STPG2: variants seen among roughly 807,000 people sequenced by gnomAD.
STPG2 encodes sperm tail PG-rich repeat containing 2.
Under a neutral mutation model 54.2 loss-of-function variants are expected in STPG2, and 56 were observed. The observed-to-expected ratio is 1.03, with a 90% CI of 0.83 to 1.29. The LOEUF (loss-of-function observed/expected upper bound fraction) is 1.29, where lower values mean the gene tolerates loss of function less well. STPG2 is among the 50% of genes most tolerant of loss of function. STPG2 has a pLI of 0.00. For missense variants in STPG2, 596 were observed against 544.9 expected (o/e 1.09, Z -0.93); for synonymous variants, 200 against 181.8 (o/e 1.10, Z -0.81).
At chr4:97,830,536 A>G (rs892493220) in intron 9 of STPG2, among the ~76,000 whole-genome samples, 2 of 152,152 alleles carry the variant, frequency 1.3e-5, no homozygotes, top group Admixed American at 1.3e-4. Flanking sequence ...ATTAACCTTA[A>G]ATTTAAACAG....
intron 9 of STPG2, among the ~76,000 whole-genome samples, chr4:97,782,692 C>A (rs916575859): frequency 8.5e-5 from 13 of 152,206 alleles, no homozygotes; most frequent in African/African-American, 2.9e-4. Context: ...CTACAAGCCT[C>A]CAGTAACCAA....
At chr4:97,826,539 A>G (rs1240452062) in intron 9 of STPG2, among the ~76,000 whole-genome samples, 2 of 152,200 alleles carry the variant, frequency 1.3e-5, no homozygotes, top group Non-Finnish European at 2.9e-5. Context: ...AAATTGTAAA[A>G]GGTTATAAAA....
intron 9 of STPG2, among the ~76,000 whole-genome samples, chr4:97,830,297 T>C (rs1284609535): frequency 1.3e-5 from 2 of 152,066 alleles, no homozygotes. Context: ...AAAAGAGAAA[T>C]AAAATCCATT....
At chr4:97,858,427 G>C (rs1311810041) in intron 8 of STPG2, among the ~76,000 whole-genome samples, 1 of 152,094 alleles carries the variant, frequency 6.6e-6, no homozygotes, top group East Asian at 1.9e-4. Flanking sequence ...TATTTCAATA[G>C]TTTTGGAGAA....
chr4:97,845,857 TG>T (rs1360259274), intron 8 of STPG2, among the ~76,000 whole-genome samples: 5 of 152,236 alleles, frequency 3.3e-5, no homozygotes, highest in African/African-American at 1.2e-4. Flanking sequence ...GTGTTCCATT[TG>T]CATAGCCATT....
chr4:97,848,437 C>T (rs1729036075), intron 8 of STPG2, among the ~76,000 whole-genome samples: 1 of 152,036 alleles, frequency 6.6e-6, no homozygotes, highest in South Asian at 2.1e-4. Flanking sequence ...AGTAATTTTT[C>T]CACTATTCTC....
chr4:97,526,088 T>G (rs1411513762), intron 4 of STPG2, among the ~76,000 whole-genome samples: 1 of 152,106 alleles, frequency 6.6e-6, no homozygotes, highest in African/African-American at 2.4e-5. Flanking sequence ...TTCAACACAC[T>G]GCTTAGCAGT....
At chr4:97,660,857 A>G (rs887322165) in intron 10 of STPG2, among the ~76,000 whole-genome samples, 2 of 152,150 alleles carry the variant, frequency 1.3e-5, no homozygotes, top group African/African-American at 4.8e-5. Flanking sequence ...AGATTGATGA[A>G]GTTTTCAATT....
At chr4:97,694,454 A>G (rs567175027) in intron 10 of STPG2, among the ~76,000 whole-genome samples, 622 of 48,332 alleles carry the variant, frequency 0.013, 3 homozygotes, top group South Asian at 0.11. Context: ...ATTAAAACAG[A>G]AAAAAAAATA....
At chr4:97,503,643 A>C (rs1730775156) in intron 4 of STPG2, among the ~76,000 whole-genome samples, 1 of 151,392 alleles carries the variant, frequency 6.6e-6, no homozygotes, top group Non-Finnish European at 1.5e-5. Context: ...TTATACTATA[A>C]ATTATAATGC....
At chr4:97,685,722 T>A (rs933243190) in intron 10 of STPG2, among the ~76,000 whole-genome samples, 1 of 152,200 alleles carries the variant, frequency 6.6e-6, no homozygotes, top group Admixed American at 6.5e-5. Flanking sequence ...TGTTTTAATA[T>A]TGTTAATCAG....
chr4:97,749,276 C>G (rs1725510888), intron 9 of STPG2, among the ~76,000 whole-genome samples: 1 of 151,658 alleles, frequency 6.6e-6, no homozygotes, highest in African/African-American at 2.4e-5. Context: ...GCGCCTTCAC[C>G]CTTTATATCT....
intron 5 of STPG2, among the ~76,000 whole-genome samples, chr4:98,034,522 C>A (rs1270133606): frequency 6.6e-6 from 1 of 152,126 alleles, no homozygotes; most frequent in East Asian, 1.9e-4. Context: ...AGCCATCCTG[C>A]CCAAAGTAAT....
At chr4:97,765,880 T>C (rs1726032265) in intron 9 of STPG2, among the ~76,000 whole-genome samples, 1 of 152,116 alleles carries the variant, frequency 6.6e-6, no homozygotes, top group Non-Finnish European at 1.5e-5. Flanking sequence ...TGGGCAAATA[T>C]AAGAGTAAGA....
At chr4:98,047,735 G>T (rs1737181435) in intron 5 of STPG2, among the ~76,000 whole-genome samples, 1 of 151,890 alleles carries the variant, frequency 6.6e-6, no homozygotes, top group Non-Finnish European at 1.5e-5. Context: ...CAGCCACAAG[G>T]AAAAGGTAGG....
At chr4:97,526,618 A>G (rs574249189) in intron 4 of STPG2, among the ~76,000 whole-genome samples, 2 of 151,880 alleles carry the variant, frequency 1.3e-5, no homozygotes, top group African/African-American at 4.8e-5. Context: ...CTCCCATTCT[A>G]CTAGGTTGCC....
chr4:98,076,265 C>G (rs1040218536), intron 5 of STPG2, among the ~76,000 whole-genome samples: 5 of 150,240 alleles, frequency 3.3e-5, no homozygotes, highest in Non-Finnish European at 7.4e-5. Flanking sequence ...AAAGAAGCAG[C>G]AAATGAGTAG....
chr4:97,924,711 T>A (rs1191136847), intron 8 of STPG2, among the ~76,000 whole-genome samples: 1 of 152,226 alleles, frequency 6.6e-6, no homozygotes, highest in Admixed American at 6.5e-5. Flanking sequence ...TTATTCGTCA[T>A]AAATTTGATA....
rs181741049 is a variant in STPG2 at position 97,760,078 on chromosome 4, C to T, written c.1205-47264G>A. 8.9e-4 allele frequency among the ~76,000 whole-genome samples: 136 copies of T among 152,260 alleles called. 1 individual carries two copies. The highest frequency in any genetic ancestry group is 6.8e-3 in the Middle Eastern group (2 of 294). On this transcript the variant is annotated intron_variant, in intron 9 of 10. Transcript: ENST00000295268. Reference sequence around the variant, plus strand: ...ACCACTTACCATATTATATTATGGGCTATCGCTCAAACAGGAAATTCTTTC... The same window carrying T: ...ACCACTTACCATATTATATTATGGGTTATCGCTCAAACAGGAAATTCTTTC...
Sources: allele counts gnomAD v4.1 joint callset (sites outside exome capture counted in the v4.1 genomes callset), GRCh38; gene constraint gnomAD v4.1.1; transcripts MANE v1.5; gene names NCBI Gene and HGNC (gene_info 2026-07-23, HGNC 2026-07-21).